ANXA6: variants seen among roughly 807,000 people sequenced by gnomAD.
The protein encoded by ANXA6 is annexin A6.
A neutral mutation model predicts 95.4 loss-of-function variants in ANXA6; 71 were observed. That is an observed-to-expected ratio of 0.74 (90% CI 0.61 to 0.91). The LOEUF is 0.91. Ranked by LOEUF, ANXA6 falls within the 40% of genes least tolerant of loss-of-function variation. The probability of loss-of-function intolerance (pLI) is 0.00; values close to 1 mark genes in which losing one functional copy is unlikely to be tolerated. For synonymous variants in ANXA6, 289 were observed against 315.9 expected, an observed-to-expected ratio of 0.91 and a Z score of 0.90; for missense variants, 830 against 876.4, an observed-to-expected ratio of 0.95 and a Z score of 0.67.
At chr5:151,142,064 G>A (rs191288426) in intron 2 of ANXA6, among the ~76,000 whole-genome samples, 15 of 152,330 alleles carry the variant, frequency 9.8e-5, no homozygotes, top group African/African-American at 3.6e-4. Context: ...ACAAGAACAC[G>A]AAACAACTGG....
chr5:151,112,477 G>A (rs1764877352), intron 20 of ANXA6, among the ~76,000 whole-genome samples: 1 of 152,144 alleles, frequency 6.6e-6, no homozygotes, highest in Non-Finnish European at 1.5e-5. Flanking sequence ...TGTTAAATAA[G>A]AGTTATCAAG....
chr5:151,128,129 G>C (rs1765380781), intron 13 of ANXA6, 52 bp downstream of exon 13: 2 of 1,504,102 alleles, frequency 1.3e-6, no homozygotes, highest in Non-Finnish European at 9.2e-7. Context: ...GAGAGTCCCC[G>C]CCTGGCACCC....
intron 2 of ANXA6, 90 bp downstream of exon 2, chr5:151,147,794 A>G: frequency 8.5e-6 from 12 of 1,411,514 alleles, no homozygotes; most frequent in Non-Finnish European, 9.8e-6. Context: ...TGAAGGTACC[A>G]GGGGTCTCTG....
intron 1 of ANXA6, among the ~76,000 whole-genome samples, chr5:151,153,119 G>A (rs1365935759): frequency 6.6e-6 from 1 of 152,096 alleles, no homozygotes; most frequent in Non-Finnish European, 1.5e-5. Flanking sequence ...AGCAGTCGAG[G>A]CCATTGGTTC....
intron 11 of ANXA6, among the ~76,000 whole-genome samples, chr5:151,129,851 C>T (rs1765445495): frequency 6.6e-6 from 1 of 152,142 alleles, no homozygotes; most frequent in Non-Finnish European, 1.5e-5. Flanking sequence ...GCTGGGAGTA[C>T]AGGTACCCAC....
intron 2 of ANXA6, 98 bp from the exon 3 acceptor site, chr5:151,140,341 A>C: frequency 9.6e-7 from 1 of 1,038,458 alleles, no homozygotes; most frequent in Non-Finnish European, 1.5e-6. Flanking sequence ...GTCCAGGCTG[A>C]GCTGCTTTCC....
At chr5:151,151,545 T>C (rs1766105832) in intron 1 of ANXA6, 1 of 152,238 alleles carries the variant, frequency 6.6e-6, no homozygotes, top group African/African-American at 2.4e-5. Context: ...AGACCCTGGT[T>C]CTGGTTCCCA....
intron 11 of ANXA6, among the ~76,000 whole-genome samples, chr5:151,130,113 T>C (rs574581199): frequency 4.6e-5 from 7 of 152,370 alleles, no homozygotes; most frequent in African/African-American, 1.7e-4. Context: ...ATTTACACAT[T>C]TTGGAACTCT....
At chr5:151,107,480 A>G (rs1367539845) in intron 23 of ANXA6, among the ~76,000 whole-genome samples, 3 of 152,214 alleles carry the variant, frequency 2.0e-5, no homozygotes, top group Non-Finnish European at 4.4e-5. Context: ...AAGGCCCATC[A>G]CGTGCTAAAC....
chr5:151,128,661 AT>A (rs1413953231), intron 12 of ANXA6, among the ~76,000 whole-genome samples: 1 of 152,240 alleles, frequency 6.6e-6, no homozygotes, highest in Admixed American at 6.5e-5. Flanking sequence ...ATGCAAAAAA[AT>A]CAAACAAATA....
chr5:151,149,002 C>T (rs754968010), intron 1 of ANXA6, among the ~76,000 whole-genome samples: 4 of 123,618 alleles, frequency 3.2e-5, no homozygotes, highest in East Asian at 2.5e-4. Flanking sequence ...TAGTGAGACC[C>T]GATCTCTATT....
intron 10 of ANXA6, among the ~76,000 whole-genome samples, 198 bp downstream of exon 10, chr5:151,132,278 A>T (rs1002358187): frequency 6.6e-6 from 1 of 152,176 alleles, no homozygotes; most frequent in African/African-American, 2.4e-5. Flanking sequence ...GGAAGTCAGT[A>T]CCTGAGGCTC....
At chr5:151,103,476 C>A in intron 25 of ANXA6, 94 bp downstream of exon 25, 2 of 1,329,140 alleles carry the variant, frequency 1.5e-6, no homozygotes, top group Non-Finnish European at 2.0e-6. Context: ...CGGTAACCCA[C>A]TGGAAAAAAG....
At chr5:151,128,337 G>T in intron 12 of ANXA6, 98 bp from the exon 13 acceptor site, 2 of 1,022,546 alleles carry the variant, frequency 2.0e-6, no homozygotes, top group Non-Finnish European at 3.0e-6. Context: ...GGGGAAGGCT[G>T]AATGAACACT....
At chr5:151,148,044 A>G in intron 1 of ANXA6, 118 bp from the exon 2 acceptor site, 1 of 973,934 alleles carries the variant, frequency 1.0e-6, no homozygotes, top group Non-Finnish European at 1.6e-6. Flanking sequence ...AGGTTAAATC[A>G]GACCCAATGA....
At chr5:151,126,722 T>A (rs1280957714) in intron 13 of ANXA6, among the ~76,000 whole-genome samples, 4 of 152,166 alleles carry the variant, frequency 2.6e-5, no homozygotes, top group Non-Finnish European at 4.4e-5. Context: ...TTTTTATTTT[T>A]TATTTTTATT....
chr5:151,128,301 G>A, intron 12 of ANXA6, 62 bp from the exon 13 acceptor site: 6 of 1,431,404 alleles, frequency 4.2e-6, no homozygotes, highest in South Asian at 1.2e-5. Flanking sequence ...AGACAAGGAG[G>A]TGAAGGTTCT....
intron 1 of ANXA6, among the ~76,000 whole-genome samples, chr5:151,154,678 C>G (rs74854370): frequency 0.092 from 14,057 of 152,290 alleles, 819 homozygotes; most frequent in South Asian, 0.17. Context: ...GCACACCCCC[C>G]AGCTTGACGA....
At chr5:151,156,933 C>A (rs959507453) in intron 1 of ANXA6, among the ~76,000 whole-genome samples, 3 of 152,202 alleles carry the variant, frequency 2.0e-5, no homozygotes, top group African/African-American at 7.2e-5. Context: ...AGTCACACTG[C>A]AACAGGGGCT....
Sources: gnomAD v4.1 joint callset for allele counts (sites outside exome capture counted in the v4.1 genomes callset) on GRCh38, gnomAD v4.1.1 for gene constraint, MANE v1.5 for transcripts, NCBI Gene and HGNC (gene_info 2026-07-23, HGNC 2026-07-21) for gene names.